Variants in RGS18 observed in about 807,000 individuals in gnomAD.
RGS18 encodes regulator of G-protein signaling 18.
RGS18 carries 22 observed loss-of-function variants against 27.6 expected under a neutral mutation model. That is an observed-to-expected ratio of 0.80 (90% confidence interval 0.57 to 1.14). RGS18 has a LOEUF of 1.14. RGS18 is among the 50% of genes most tolerant of loss of function. RGS18 has a pLI of 0.00. For missense variants in RGS18, 299 were observed against 269.6 expected (o/e 1.11, Z -0.76); for synonymous variants, 89 against 84.6 (o/e 1.05, Z -0.29).
intron 3 of RGS18, among the ~76,000 whole-genome samples, chr1:192,175,585 G>A (rs1018804305): frequency 6.6e-6 from 1 of 151,746 alleles, no homozygotes; most frequent in Admixed American, 6.6e-5. Context: ...TCTCTTCTAC[G>A]GCTGAGCCAG....
intron 3 of RGS18, among the ~76,000 whole-genome samples, chr1:192,162,546 G>T (rs1490775098): frequency 6.6e-6 from 1 of 152,156 alleles, no homozygotes; most frequent in Non-Finnish European, 1.5e-5. Flanking sequence ...GCCTCCCAAA[G>T]TGACGGGATT....
intron 3 of RGS18, among the ~76,000 whole-genome samples, chr1:192,177,530 T>C (rs1656378309): frequency 6.6e-6 from 1 of 151,760 alleles, no homozygotes; most frequent in Non-Finnish European, 1.5e-5. Context: ...TATGTTACAG[T>C]GTAGCCTGGA....
chr1:192,181,738 T>A (rs1288860275), intron 4 of RGS18, among the ~76,000 whole-genome samples: 1 of 151,572 alleles, frequency 6.6e-6, no homozygotes, highest in African/African-American at 2.4e-5. Context: ...AATCTTGAAA[T>A]ATACCATGTA....
chr1:192,181,575 G>A, intron 4 of RGS18, 117 bp downstream of exon 4: 1 of 667,668 alleles, frequency 1.5e-6, no homozygotes, highest in Non-Finnish European at 2.3e-6. Flanking sequence ...ATTTATAATT[G>A]ACATGTAATA....
chr1:192,168,202 G>A (rs1473438178), intron 3 of RGS18: 2 of 152,120 alleles, frequency 1.3e-5, no homozygotes, highest in African/African-American at 2.4e-5. Flanking sequence ...TGCCCAAAGT[G>A]AGTAAGAGAA....
chr1:192,167,231 A>G (rs1017104503), intron 3 of RGS18, among the ~76,000 whole-genome samples: 8 of 152,176 alleles, frequency 5.3e-5, no homozygotes, highest in Admixed American at 1.3e-4. Flanking sequence ...AAGTTTGAGT[A>G]AAGACTACAA....
At chr1:192,159,063 C>T (rs915969968) in intron 1 of RGS18, among the ~76,000 whole-genome samples, 157 bp from the exon 2 acceptor site, 3 of 152,042 alleles carry the variant, frequency 2.0e-5, no homozygotes, top group Admixed American at 2.0e-4. Context: ...GTATGTTACC[C>T]TAATTCCTCC....
At chr1:192,174,523 T>A (rs1319201903) in intron 3 of RGS18, among the ~76,000 whole-genome samples, 1 of 151,884 alleles carries the variant, frequency 6.6e-6, no homozygotes, top group Non-Finnish European at 1.5e-5. Context: ...AGAATTAGAA[T>A]CTATACCTAA....
chr1:192,183,352 G>A (rs897261292), intron 4 of RGS18, among the ~76,000 whole-genome samples: 5 of 151,502 alleles, frequency 3.3e-5, no homozygotes, highest in Non-Finnish European at 5.9e-5. Context: ...ATAACATAAT[G>A]AAATGAGCAC....
At position 192,159,216 on chromosome 1, in the gene RGS18, A is replaced by C. The variant is rs1164308847; in HGVS notation, c.120-4A>C. On this transcript the variant is annotated splice_region_variant and splice_polypyrimidine_tract_variant and intron_variant, in intron 1 of 4. Coordinates refer to ENST00000367460, the MANE Select transcript of RGS18 (RefSeq NM_130782.3). ...GTCCTGACATGAAGGCCTTTTTATT[A>C]CAGAGCTAAGGAAAAAAGAAATAGA... 1 of 1,603,008 alleles carries C rather than the reference A, an allele frequency of 6.2e-7. No homozygotes were observed. The highest frequency in any genetic ancestry group is 8.5e-7 in the Non-Finnish European group (1 of 1,170,588).
At chr1:192,179,980 T>C (rs919774208) in intron 3 of RGS18, among the ~76,000 whole-genome samples, 38 of 151,624 alleles carry the variant, frequency 2.5e-4, no homozygotes, top group Non-Finnish European at 1.0e-4. Flanking sequence ...GGGTCTCTCC[T>C]AGGAACTTCC....
At chr1:192,171,153 A>G (rs1259122729) in intron 3 of RGS18, among the ~76,000 whole-genome samples, 6 of 152,160 alleles carry the variant, frequency 3.9e-5, no homozygotes, top group Non-Finnish European at 8.8e-5. Flanking sequence ...CAATGTATCA[A>G]AATGCCTCAA....
chr1:192,160,980 G>T (rs1656059675), intron 3 of RGS18, among the ~76,000 whole-genome samples: 1 of 152,098 alleles, frequency 6.6e-6, no homozygotes, highest in South Asian at 2.1e-4. Context: ...CTCCCGAGTA[G>T]CTGGGACTAC....
At position 192,165,183 on chromosome 1, in the gene RGS18, G is replaced by A. The variant is rs544496729; in HGVS notation, c.283+4744G>A. Among the ~76,000 whole-genome samples, 109 of 152,302 alleles carry A rather than the reference G, an allele frequency of 7.2e-4. 1 individual carries two copies. Among genetic ancestry groups the A allele is most frequent in the Middle Eastern group, 6.8e-3 (2 of 294 alleles). ...GGAGTGTCTGCTTTATGCCGTTGTA[G>A]GTAGGGATGAAACATGCCCTGGTCT... On this transcript the variant is annotated intron_variant, in intron 3 of 4. Transcript: ENST00000367460.
chr1:192,183,445 T>A (rs912086918), intron 4 of RGS18, among the ~76,000 whole-genome samples: 1 of 151,650 alleles, frequency 6.6e-6, no homozygotes, highest in Non-Finnish European at 1.5e-5. Context: ...TTAACCTCTG[T>A]GAGGTTTAGT....
At chr1:192,169,728 A>G (rs1413034780) in intron 3 of RGS18, 3 of 152,158 alleles carry the variant, frequency 2.0e-5, no homozygotes, top group Non-Finnish European at 4.4e-5. Context: ...TATCTAGCCA[A>G]GAAATTCTCT....
chr1:192,180,253 G>C (rs1405672984), intron 3 of RGS18, among the ~76,000 whole-genome samples: 3 of 151,520 alleles, frequency 2.0e-5, no homozygotes, highest in Non-Finnish European at 4.4e-5. Context: ...CCCTTATGGA[G>C]TTTTTAATAT....
intron 3 of RGS18, among the ~76,000 whole-genome samples, chr1:192,176,574 T>G (rs1656362923): frequency 6.6e-6 from 1 of 151,704 alleles, no homozygotes; most frequent in Non-Finnish European, 1.5e-5. Context: ...GTAATGACCC[T>G]CCTCTTCTTA....
Position 192,158,652 on chromosome 1 carries a change from GCTTTT to G in RGS18, c.23_27del (p.Phe8SerfsTer6). The G allele has an allele frequency of 6.4e-7, 1 of 1,567,360 alleles. No homozygotes were observed. On this transcript the variant is annotated frameshift_variant, in exon 1 of 5. Coordinates refer to ENST00000367460, the MANE Select transcript of RGS18 (RefSeq NM_130782.3). LOFTEE classifies it high-confidence loss of function. ...TTAGAGAGAAGATGGAAACAACATTGCTTTTCTTTTCTCAAATAAATATGTGTGAA... is the reference window on the plus strand; with the variant it reads ...TTAGAGAGAAGATGGAAACAACATTGCTTTTCTCAAATAAATATGTGTGAA...
Sources: allele counts gnomAD v4.1 joint callset (sites outside exome capture counted in the v4.1 genomes callset), GRCh38; gene constraint gnomAD v4.1.1; transcripts MANE v1.5; gene names NCBI Gene and HGNC (gene_info 2026-07-23, HGNC 2026-07-21).